Variants in ROCK2 observed in about 807,000 individuals in gnomAD.
The protein encoded by ROCK2 is rho-associated protein kinase 2.
In ROCK2, 61 loss-of-function variants were observed where a neutral mutation model predicts 195.1. The observed-to-expected ratio is 0.31, with a 90% CI of 0.25 to 0.39. ROCK2 has a LOEUF of 0.39. Ranked by LOEUF, ROCK2 falls within the 10% of genes least tolerant of loss-of-function variation. ROCK2 has a pLI of 1.00. For missense variants in ROCK2, 1,109 were observed against 1,637.4 expected (o/e 0.68, Z 5.57); for synonymous variants, 504 against 545.5 (o/e 0.92, Z 1.06).
chr2:11,251,013 T>C (rs1665811622), intron 3 of ROCK2, among the ~76,000 whole-genome samples: 1 of 152,182 alleles, frequency 6.6e-6, no homozygotes, highest in Non-Finnish European at 1.5e-5. Context: ...GTTCAAATCA[T>C]ACCTTCTCAA....
At chr2:11,184,512 T>C (rs1483866340) in intron 32 of ROCK2, among the ~76,000 whole-genome samples, 1 of 152,218 alleles carries the variant, frequency 6.6e-6, no homozygotes, top group Non-Finnish European at 1.5e-5. Flanking sequence ...ACACTTAACA[T>C]GTAAATTTCA....
Position 11,208,434 on chromosome 2 carries a change from C to T in ROCK2, c.2217G>A (p.Lys739=). Residue 739 remains lysine, a synonymous_variant, in exon 19 of 33, where the codon AAG becomes AAA. Coordinates refer to ENST00000315872, the MANE Select transcript of ROCK2 (RefSeq NM_004850.5). ...GTTTTAAAGTTCTTTCCTCCAAGAG[C>T]TTCTTCTCCATTTCTAGTATAATAA... ...KSEAMKEMEK[K]LLEERTLKQK... is the part of the protein sequence containing the mutation. 3 of 1,504,712 alleles carry T rather than the reference C, an allele frequency of 2.0e-6. No homozygotes were observed. The highest frequency in any genetic ancestry group is 2.7e-6 in the Non-Finnish European group (3 of 1,116,346). The allele number at this position is 1,504,712 out of a possible 1,614,324, so 93.2% of individuals were successfully genotyped here. A position where few individuals can be genotyped will look rare whatever the true frequency, so the allele number is the denominator to read the frequency against.
chr2:11,288,058 T>C (rs1378288691), intron 1 of ROCK2, among the ~76,000 whole-genome samples: 1 of 152,216 alleles, frequency 6.6e-6, no homozygotes, highest in African/African-American at 2.4e-5. Flanking sequence ...CATCAGGTTT[T>C]GACTTCAAGA....
In ROCK2 at chr2:11,192,629, G is replaced by A. The variant is rs1663472325; in HGVS notation, c.3771C>T (p.Cys1257=). The A allele has an allele frequency of 1.9e-6, 3 of 1,613,754 alleles. No individual in the cohort carries two copies. The highest frequency in any genetic ancestry group is 1.3e-5 in the African/African-American group (1 of 74,896). Residue 1257 remains cysteine (C), a synonymous_variant, in exon 31 of 33, where the codon TGC becomes TGT. Transcript: ENST00000315872. This position sits in a 1 kb window ranked among gnomAD's most constrained non-coding sequence, Gnocchi z 5.0. ...TAGGAATAAACTCATGTCCCTTGTG[G>A]CAAATATAATTAGATTTTTCTCCAA... The part of the protein sequence containing the change: ...EPVGEKSNYI[C]HKGHEFIPTL...
chr2:11,268,783 G>T (rs1187382043), intron 3 of ROCK2, among the ~76,000 whole-genome samples: 1 of 152,116 alleles, frequency 6.6e-6, no homozygotes, highest in African/African-American at 2.4e-5. Flanking sequence ...GTTCATTTTA[G>T]TTGGATTTTG....
At chr2:11,225,781 A>C (rs1411152134) in intron 6 of ROCK2, among the ~76,000 whole-genome samples, 1 of 152,242 alleles carries the variant, frequency 6.6e-6, no homozygotes, top group Non-Finnish European at 1.5e-5. Context: ...CCTAGGCCAG[A>C]GATGGGAGAA....
intron 3 of ROCK2, among the ~76,000 whole-genome samples, chr2:11,273,500 A>G (rs1666720348): frequency 6.6e-6 from 1 of 152,246 alleles, no homozygotes; most frequent in South Asian, 2.1e-4. Context: ...ATCAAAATAT[A>G]TGATGCAAAA....
At chr2:11,301,753 G>T (rs946218004) in intron 1 of ROCK2, among the ~76,000 whole-genome samples, 4 of 145,518 alleles carry the variant, frequency 2.7e-5, no homozygotes, top group Non-Finnish European at 4.5e-5. Context: ...ACTCCAGCCT[G>T]GGCAACAAGA....
chr2:11,238,449 T>G (rs1665304794), intron 4 of ROCK2, among the ~76,000 whole-genome samples: 1 of 152,138 alleles, frequency 6.6e-6, no homozygotes, highest in African/African-American at 2.4e-5. Context: ...TAAAATTTAT[T>G]TGGAAATGCA....
chr2:11,254,855 A>C (rs939075910), intron 3 of ROCK2, among the ~76,000 whole-genome samples: 2 of 151,962 alleles, frequency 1.3e-5, no homozygotes, highest in South Asian at 2.1e-4. Flanking sequence ...CAAACCTAAC[A>C]AAACCTAACA....
At chr2:11,281,019 T>C (rs1224922424) in intron 3 of ROCK2, among the ~76,000 whole-genome samples, 2 of 151,896 alleles carry the variant, frequency 1.3e-5, no homozygotes, top group African/African-American at 2.4e-5. Context: ...AATCCAACAA[T>C]GTATTATGCG....
chr2:11,284,763 T>C (rs1018884130), intron 3 of ROCK2, among the ~76,000 whole-genome samples: 1 of 152,224 alleles, frequency 6.6e-6, no homozygotes, highest in Non-Finnish European at 1.5e-5. Context: ...ATTAAGACAG[T>C]ACTGTTAAGC....
intron 1 of ROCK2, among the ~76,000 whole-genome samples, chr2:11,313,591 C>T (rs925365316): frequency 2.6e-5 from 4 of 151,320 alleles, no homozygotes; most frequent in Non-Finnish European, 5.9e-5. Context: ...AATAATAGTG[C>T]TGTGTCTGCC....
chr2:11,258,314 T>C (rs763233968), intron 3 of ROCK2, among the ~76,000 whole-genome samples: 7 of 151,482 alleles, frequency 4.6e-5, no homozygotes, highest in Non-Finnish European at 8.8e-5. Flanking sequence ...ATTAGAAGTT[T>C]TGTCTCATAC....
intron 3 of ROCK2, among the ~76,000 whole-genome samples, chr2:11,264,618 A>G (rs1288507953): frequency 1.3e-5 from 2 of 152,194 alleles, no homozygotes; most frequent in Non-Finnish European, 2.9e-5. Flanking sequence ...GGAGCAAAGT[A>G]GAAAGTTCCG....
intron 1 of ROCK2, among the ~76,000 whole-genome samples, chr2:11,330,255 T>C (rs1303544664): frequency 6.6e-6 from 1 of 152,156 alleles, no homozygotes; most frequent in East Asian, 1.9e-4. Context: ...TTTCAAAAGA[T>C]AAAATGTCAT....
intron 1 of ROCK2, among the ~76,000 whole-genome samples, chr2:11,340,369 T>A (rs1421554987): frequency 3.3e-5 from 5 of 152,206 alleles, no homozygotes; most frequent in African/African-American, 9.6e-5. Flanking sequence ...CTGGGTTTTT[T>A]ATATATCAAA....
At chr2:11,277,277 C>T (rs180873159) in intron 3 of ROCK2, among the ~76,000 whole-genome samples, 14 of 152,332 alleles carry the variant, frequency 9.2e-5, no homozygotes, top group African/African-American at 3.4e-4. Flanking sequence ...CCCCACAAAT[C>T]CGCTGTGCTC....
Position 11,344,555 on chromosome 2 carries a change from C to G in ROCK2, c.-419G>C. On this transcript the variant is annotated 5_prime_UTR_variant, in exon 1 of 33. Coordinates refer to ENST00000315872, the MANE Select transcript of ROCK2 (RefSeq NM_004850.5). This position sits in a 1 kb window ranked among gnomAD's most constrained non-coding sequence, Gnocchi z 5.4. ...CCTGGGCCACTACGGCCGCCGCCGG[C>G]CCGCTGCCATGGTCGCCGCCGGCCG... The G allele has an allele frequency of 2.1e-6, 2 of 947,690 alleles. No homozygotes were observed. The highest frequency in any genetic ancestry group is 2.5e-6 in the Non-Finnish European group (2 of 796,618). The allele number at this position is 947,690 out of a possible 1,614,324, so 58.7% of individuals were successfully genotyped here. A position where few individuals can be genotyped will look rare whatever the true frequency, so the allele number is the denominator to read the frequency against.
Sources: gnomAD v4.1 joint callset for allele counts (sites outside exome capture counted in the v4.1 genomes callset) on GRCh38, gnomAD v4.1.1 for gene constraint, Gnocchi (gnomAD v3.1) non-coding constraint, MANE v1.5 for transcripts, NCBI Gene and HGNC (gene_info 2026-07-23, HGNC 2026-07-21) for gene names.